Variants in CYBC1 observed in about 807,000 individuals in gnomAD.
The protein encoded by CYBC1 is essential for reactive oxygen species protein.
A neutral mutation model predicts 21.7 loss-of-function variants in CYBC1; 22 were observed. The observed-to-expected ratio is 1.02, with a 90% CI of 0.73 to 1.45. The LOEUF (loss-of-function observed/expected upper bound fraction) is 1.45. Ranked by LOEUF, CYBC1 falls within the 40% of genes most tolerant of loss-of-function variation. The pLI is 0.00. For synonymous variants in CYBC1, 112 were observed against 98.7 expected (o/e 1.13, Z -0.80); for missense variants, 237 against 242.1 (o/e 0.98, Z 0.14).
intron 1 of CYBC1, 184 bp from the exon 2 acceptor site, chr17:82,449,476 G>A: frequency 4.6e-6 from 2 of 435,058 alleles, no homozygotes; most frequent in South Asian, 5.9e-5. Flanking sequence ...CAGAGACCCC[G>A]TTTCCTGTGT....
At chr17:82,448,142 G>T in intron 2 of CYBC1, 1 of 225,088 alleles carries the variant, frequency 4.4e-6, no homozygotes, top group Non-Finnish European at 8.8e-6. Flanking sequence ...AGCTGCTGAG[G>T]TACAGCCAGC....
rs2054539495 is a variant in CYBC1, at chr17:82,450,690, A to T, written c.-39+10T>A. The T allele has an allele frequency of 6.6e-6, 1 of 152,278 alleles. No homozygotes were observed. The highest frequency in any genetic ancestry group is 6.5e-5 in the Admixed American group (1 of 15,274). 9.4% of individuals were successfully genotyped at this position (152,278 alleles called of 1,614,324 possible). On this transcript the variant is annotated intron_variant, in intron 1 of 6. Transcript: ENST00000306645. Reference sequence around the variant, plus strand: ...AGGAAGTGCGGAGCCCACCCAGCCCAGCCGCCTACCGAGAGCACAGCGGTC... The same window carrying T: ...AGGAAGTGCGGAGCCCACCCAGCCCTGCCGCCTACCGAGAGCACAGCGGTC...
chr17:82,448,309 G>A (rs550934477), intron 2 of CYBC1: 19 of 155,814 alleles, frequency 1.2e-4, no homozygotes, highest in Admixed American at 1.0e-3. Flanking sequence ...GGGAACCCAC[G>A]ATCACCCATC....
At chr17:82,447,457 G>A in intron 3 of CYBC1, 123 bp downstream of exon 3, 2 of 814,540 alleles carry the variant, frequency 2.5e-6, no homozygotes, top group African/African-American at 1.7e-5. Context: ...AGCAATCAAG[G>A]GGCAGAGGTG....
chr17:82,446,111 G>A (rs2054273390), intron 4 of CYBC1, 151 bp from the exon 5 acceptor site: 2 of 633,688 alleles, frequency 3.2e-6, no homozygotes, highest in South Asian at 3.8e-5. Context: ...GAAGCCACAG[G>A]TGCTGCTCTG....
At chr17:82,447,803 A>G (rs2054398272) in intron 2 of CYBC1, 182 bp from the exon 3 acceptor site, 2 of 662,226 alleles carry the variant, frequency 3.0e-6, no homozygotes, top group Non-Finnish European at 5.4e-6. Flanking sequence ...CTGGTTCAAT[A>G]ATGCAGTATA....
rs2054270213 is a variant in CYBC1 at position 82,446,055 on chromosome 17, T to A, written c.202-95A>T. ...CCCCCACCCTCACCAGGGTGGACAC[T>A]CAAGAAGGGGGGCTGGGGACCCTCC... is the stretch of plus-strand genomic sequence containing the variant. On this transcript the variant is annotated intron_variant, in intron 4 of 6. Transcript: ENST00000306645. The A allele has an allele frequency of 8.4e-6, 8 of 947,826 alleles. 1 individual carries two copies. In the South Asian group the frequency reaches 1.1e-4, roughly 13 times the overall value. 58.7% of individuals were successfully genotyped at this position (947,826 alleles called of 1,614,324 possible). A position where few individuals can be genotyped will look rare whatever the true frequency, so the allele number is the denominator to read the frequency against.
At chr17:82,450,136 G>A (rs916005004) in intron 1 of CYBC1, 3 of 152,130 alleles carry the variant, frequency 2.0e-5, no homozygotes, top group South Asian at 2.1e-4. Context: ...ACATAAAACA[G>A]CCCGGTGTGG....
Position 82,443,206 on chromosome 17 carries a change from C to G in CYBC1, c.*798G>C. ...GATTACTGGCATGAACCACTGCGCCCGGCTGGAGCTCCCGGTTTTTAAGCA... is the reference window on the plus strand; with the variant it reads ...GATTACTGGCATGAACCACTGCGCCGGGCTGGAGCTCCCGGTTTTTAAGCA... On this transcript the variant is annotated 3_prime_UTR_variant, in exon 7 of 7. Coordinates refer to ENST00000306645, the MANE Select transcript of CYBC1 (RefSeq NM_001033046.4). This position sits in a 1 kb window ranked among gnomAD's most constrained non-coding sequence, Gnocchi z 6.7. 1 of 306,812 alleles carries G rather than the reference C, an allele frequency of 3.3e-6. No homozygotes were observed. Among genetic ancestry groups the G allele is most frequent in the South Asian group, 2.9e-5 (1 of 34,254 alleles). The allele number at this position is 306,812 out of a possible 1,614,324, so 19.0% of individuals were successfully genotyped here.
chr17:82,447,531 T>TC lies in CYBC1; in HGVS notation c.127+48dup, dbSNP rs564030071. The TC allele has an allele frequency of 4.8e-4, 504 of 1,047,608 alleles. 5 individuals are homozygous for TC. The Middle Eastern group carries it at 0.012, about 26-fold the overall frequency. The allele number at this position is 1,047,608 out of a possible 1,614,324, so 64.9% of individuals were successfully genotyped here. ...CAGTTTTTCCTTCTTTTCTCTGTTT[T>TC]CCAAACAGCTGAGACAGTCATGGGG... is the stretch of plus-strand genomic sequence containing the variant. On this transcript the variant is annotated intron_variant, in intron 3 of 6. Coordinates refer to ENST00000306645, the MANE Select transcript of CYBC1 (RefSeq NM_001033046.4).
intron 4 of CYBC1, 131 bp from the exon 5 acceptor site, chr17:82,446,091 C>T: frequency 1.5e-6 from 1 of 688,244 alleles, no homozygotes; most frequent in Non-Finnish European, 2.5e-6. Flanking sequence ...CAGTCAGAAC[C>T]CAAACCCCTG....
Position 82,443,373 on chromosome 17 carries a change from G to T in CYBC1, c.*631C>A. On this transcript the variant is annotated 3_prime_UTR_variant, in exon 7 of 7. Transcript: ENST00000306645. This position sits in a 1 kb window ranked among gnomAD's most constrained non-coding sequence, Gnocchi z 6.7. ...CCGAGATCCTGGCATCAGCAAGGGA[G>T]GCGGGTCCTCGGGGAGGGGCAGCTT... 2.1e-6 allele frequency: 1 copy of T among 484,884 alleles called. No individual in the cohort carries two copies. Among genetic ancestry groups the T allele is most frequent in the Non-Finnish European group, 3.8e-6 (1 of 259,812 alleles). 30.0% of individuals were successfully genotyped at this position (484,884 alleles called of 1,614,324 possible).
chr17:82,445,656 C>T (rs1432949031), intron 5 of CYBC1: 2 of 528,712 alleles, frequency 3.8e-6, no homozygotes, highest in Non-Finnish European at 6.8e-6. Context: ...ACCCAGGAGG[C>T]TCTAGGACCC....
intron 4 of CYBC1, 45 bp from the exon 5 acceptor site, chr17:82,446,005 G>A (rs771959478): frequency 6.4e-7 from 1 of 1,566,736 alleles, no homozygotes. Flanking sequence ...CCAGGAACGG[G>A]GGCCCCGTGG....
chr17:82,449,264 G>A lies in CYBC1; in HGVS notation c.-10C>T, dbSNP rs1462222544. 3 of 1,555,566 alleles carry A rather than the reference G, an allele frequency of 1.9e-6. No individual in the cohort carries two copies. Among genetic ancestry groups the A allele is most frequent in the Non-Finnish European group, 2.6e-6 (3 of 1,151,396 alleles). ...CCACCTGCAGGTACATCCCGAGAGG[G>A]CAGCACCACTCTCTACAGGAGGAGG... is the stretch of plus-strand genomic sequence containing the variant. On this transcript the variant is annotated 5_prime_UTR_variant, in exon 2 of 7. Transcript: ENST00000306645.
intron 5 of CYBC1, 175 bp from the exon 6 acceptor site, chr17:82,444,766 T>C (rs1402566859): frequency 2.6e-6 from 2 of 760,056 alleles, no homozygotes; most frequent in African/African-American, 3.5e-5. Context: ...CTGAAGGCAG[T>C]GCAGGGTCCT....
chr17:82,449,295 G>C lies in CYBC1; in HGVS notation c.-38-3C>G. 6.8e-7 allele frequency: 1 copy of C among 1,469,840 alleles called. No homozygotes were observed. Among genetic ancestry groups the C allele is most frequent in the South Asian group, 1.3e-5 (1 of 77,126 alleles). The allele number at this position is 1,469,840 out of a possible 1,614,324, so 91.0% of individuals were successfully genotyped here. On this transcript the variant is annotated splice_polypyrimidine_tract_variant and splice_region_variant and intron_variant, in intron 1 of 6. Coordinates refer to ENST00000306645, the MANE Select transcript of CYBC1 (RefSeq NM_001033046.4). ...CCACTCTCTACAGGAGGAGGGGTCT[G>C]GGAACAGACAGAGGCAGCTGAGCCC...
In CYBC1 at chr17:82,444,142, CGGGA is replaced by C; in HGVS notation, c.444-22_444-19del. ...CCACATCACTGGGCGAGGCCGGCAA[CGGGA>C]GGAAGGTCAGGTCACCTCGGCATAG... On this transcript the variant is annotated intron_variant, in intron 6 of 6. Transcript: ENST00000306645. The C allele has an allele frequency of 6.2e-7, 1 of 1,605,104 alleles. No homozygotes were observed. Among genetic ancestry groups the C allele is most frequent in the African/African-American group, 1.3e-5 (1 of 74,920 alleles).
chr17:82,446,094 A>C lies in CYBC1; in HGVS notation c.202-134T>G, dbSNP rs1482950641. 20 of 674,824 alleles carry C rather than the reference A, an allele frequency of 3.0e-5. 1 individual carries two copies. Among genetic ancestry groups the C allele is most frequent in the Non-Finnish European group, 4.6e-5 (18 of 393,034 alleles). 41.8% of individuals were successfully genotyped at this position (674,824 alleles called of 1,614,324 possible). A position where few individuals can be genotyped will look rare whatever the true frequency, so the allele number is the denominator to read the frequency against. ...TGGGGACCCTCCCAGTCAGAACCCA[A>C]ACCCCTGAAGCCACAGGTGCTGCTC... On this transcript the variant is annotated intron_variant, in intron 4 of 6. Transcript: ENST00000306645.
Sources: allele counts gnomAD v4.1 joint callset, GRCh38; gene constraint gnomAD v4.1.1; non-coding constraint Gnocchi (gnomAD v3.1); transcripts MANE v1.5; gene names NCBI Gene and HGNC (gene_info 2026-07-23, HGNC 2026-07-21).